The following VPS54 variants were observed in gnomAD, a reference collection of about 807,000 sequenced individuals.
VPS54 encodes the protein VPS54 subunit of GARP complex, also known as vacuolar protein sorting-associated protein 54.
VPS54 carries 45 observed loss-of-function variants against 121.5 expected under a neutral mutation model. That is an observed-to-expected ratio of 0.37 (90% CI 0.29 to 0.47). VPS54 has a LOEUF of 0.47. VPS54 is among the 20% of genes least tolerant of loss of function. The pLI, the probability that VPS54 is intolerant of heterozygous loss-of-function variation, is 0.99. For missense variants in VPS54, 1,090 were observed against 1,131.4 expected (o/e 0.96, Z 0.52); for synonymous variants, 371 against 385.8 (o/e 0.96, Z 0.45).
At chr2:63,913,097 C>T in intron 18 of VPS54, 126 bp downstream of exon 18, 1 of 713,650 alleles carries the variant, frequency 1.4e-6, no homozygotes, top group Non-Finnish European at 2.2e-6. Flanking sequence ...GAGTAAGTAG[C>T]ATTTATTTTT....
chr2:63,933,208 GAGA>G (rs1206583283), intron 12 of VPS54, among the ~76,000 whole-genome samples: 1 of 152,138 alleles, frequency 6.6e-6, no homozygotes, highest in Non-Finnish European at 1.5e-5. Context: ...TAAGGTTTAA[GAGA>G]AGATGTGATC....
intron 2 of VPS54, among the ~76,000 whole-genome samples, chr2:63,983,346 T>C (rs1676884256): frequency 6.6e-6 from 1 of 151,986 alleles, no homozygotes; most frequent in Non-Finnish European, 1.5e-5. Context: ...TTGGCCAGGC[T>C]GATGTTGAAC....
intron 1 of VPS54, among the ~76,000 whole-genome samples, chr2:64,017,210 G>T (rs1172004462): frequency 6.6e-6 from 1 of 151,402 alleles, no homozygotes; most frequent in Non-Finnish European, 1.5e-5. Flanking sequence ...GCGTGGGGGC[G>T]CCTGTAGTCC....
intron 8 of VPS54, among the ~76,000 whole-genome samples, chr2:63,948,587 G>A (rs1675098607): frequency 6.6e-6 from 1 of 151,294 alleles, no homozygotes; most frequent in Admixed American, 6.6e-5. Flanking sequence ...TTTTCGTAGA[G>A]ATGGAGTCTC....
intron 11 of VPS54, among the ~76,000 whole-genome samples, chr2:63,942,097 C>T (rs996462734): frequency 6.7e-6 from 1 of 148,996 alleles, no homozygotes; most frequent in African/African-American, 2.5e-5. Flanking sequence ...TTTTAAAACA[C>T]CATTATATCA....
intron 3 of VPS54, among the ~76,000 whole-genome samples, chr2:63,980,360 C>T (rs1407355112): frequency 6.6e-6 from 1 of 152,054 alleles, no homozygotes; most frequent in Non-Finnish European, 1.5e-5. Flanking sequence ...TTCTTATATA[C>T]AGCATATACT....
intron 3 of VPS54, among the ~76,000 whole-genome samples, chr2:63,978,455 T>A (rs531004381): frequency 4.6e-5 from 7 of 152,338 alleles, no homozygotes; most frequent in East Asian, 3.9e-4. Context: ...GTCTTCTACA[T>A]CTTTACCAAA....
chr2:63,926,975 T>C lies in VPS54; in HGVS notation c.1740-5640A>G, dbSNP rs539946607. On this transcript the variant is annotated intron_variant, in intron 12 of 22. Transcript: ENST00000272322. ...GCTGAGGCTTGAGTAGGCAGTTCTA[T>C]GCTCAGAGTGTAAACAAAGCAGCAG... Among the ~76,000 whole-genome samples the C allele has an allele frequency of 7.1e-4, 108 of 152,234 alleles. 1 individual carries two copies. The South Asian group carries it at 0.022, about 31-fold the overall frequency.
At chr2:63,916,992 C>G in intron 15 of VPS54, 29 bp from the exon 16 acceptor site, 1 of 1,610,026 alleles carries the variant, frequency 6.2e-7, no homozygotes, top group Non-Finnish European at 8.5e-7. Flanking sequence ...AAACGAGAGA[C>G]AAGAGTACCA....
intron 1 of VPS54, among the ~76,000 whole-genome samples, chr2:63,998,718 T>C (rs1435510051): frequency 1.3e-5 from 2 of 152,156 alleles, no homozygotes; most frequent in African/African-American, 2.4e-5. Flanking sequence ...CCCCACTTTA[T>C]AGCTTTTTGT....
At chr2:63,943,727 C>CTTTCTTTCTT (rs34858643) in intron 10 of VPS54, among the ~76,000 whole-genome samples, 63 of 129,610 alleles carry the variant, frequency 4.9e-4, no homozygotes, top group South Asian at 2.0e-3. Flanking sequence ...TTCTTTCTTT[C>CTTTCTTTCTT]TTTTTTTTTT....
In VPS54 at chr2:63,999,939, C is replaced by A. The variant is rs200229456; in HGVS notation, c.-20-15920G>T. ...GCAATGGCACGATCTCGTCTCACTG[C>A]AACCTCTGCCTCCCAGGTTCAAGCA... On this transcript the variant is annotated intron_variant, in intron 1 of 22. Transcript: ENST00000272322. Among the ~76,000 whole-genome samples the A allele has an allele frequency of 1.2e-4, 19 of 152,222 alleles. 1 individual carries two copies. The East Asian group carries it at 3.5e-3, about 28-fold the overall frequency.
intron 7 of VPS54, among the ~76,000 whole-genome samples, chr2:63,953,565 C>T (rs920573105): frequency 2.0e-5 from 3 of 152,112 alleles, no homozygotes; most frequent in Admixed American, 6.5e-5. Flanking sequence ...TGCCCTCTTG[C>T]GGTAGTATCT....
intron 1 of VPS54, among the ~76,000 whole-genome samples, chr2:64,009,484 C>A (rs1325244314): frequency 6.6e-6 from 1 of 151,870 alleles, no homozygotes; most frequent in Non-Finnish European, 1.5e-5. Flanking sequence ...CCCGGCTAAT[C>A]TTTGTATTTT....
intron 4 of VPS54, among the ~76,000 whole-genome samples, chr2:63,970,236 C>CAT (rs1459910677): frequency 2.1e-4 from 17 of 81,032 alleles, no homozygotes; most frequent in Non-Finnish European, 3.5e-4. Context: ...CACACACACA[C>CAT]ATTCTAATAT....
At chr2:63,899,733 T>G in intron 20 of VPS54, 152 bp from the exon 21 acceptor site, 1 of 615,714 alleles carries the variant, frequency 1.6e-6, no homozygotes, top group Non-Finnish European at 2.8e-6. Context: ...TCTGCGCTAC[T>G]CATACAAATC....
intron 15 of VPS54, among the ~76,000 whole-genome samples, 180 bp from the exon 16 acceptor site, chr2:63,917,143 T>C (rs1291902475): frequency 6.6e-6 from 1 of 152,104 alleles, no homozygotes; most frequent in Non-Finnish European, 1.5e-5. Flanking sequence ...TGGAGAGATT[T>C]GGATTTGAGT....
chr2:63,917,802 C>A (rs1673458421), intron 15 of VPS54, among the ~76,000 whole-genome samples: 2 of 151,964 alleles, frequency 1.3e-5, no homozygotes, highest in African/African-American at 4.8e-5. Context: ...TAAAGTCAGT[C>A]TGCCTGGATT....
intron 12 of VPS54, among the ~76,000 whole-genome samples, chr2:63,922,256 T>A (rs1673682230): frequency 1.3e-5 from 2 of 152,200 alleles, no homozygotes; most frequent in Non-Finnish European, 2.9e-5. Context: ...TAAAGACCAA[T>A]GATTCCATGC....
Sources: allele counts gnomAD v4.1 joint callset (sites outside exome capture counted in the v4.1 genomes callset), GRCh38; gene constraint gnomAD v4.1.1; transcripts MANE v1.5; gene names NCBI Gene and HGNC (gene_info 2026-07-23, HGNC 2026-07-21).